Variants in SMG6 observed in about 807,000 individuals in gnomAD.
SMG6 encodes SMG6 nonsense mediated mRNA decay factor, also known as telomerase-binding protein EST1A.
A neutral mutation model predicts 142.2 loss-of-function variants in SMG6; 66 were observed. That is an observed-to-expected ratio of 0.46 (90% CI 0.38 to 0.57). The LOEUF is 0.57. Among genes scored for constraint, SMG6 ranks in the 20% least tolerant of loss-of-function variants. The pLI is 0.00. For synonymous variants in SMG6, 779 were observed against 702.4 expected (o/e 1.11, Z -1.72); for missense variants, 1,793 against 1,832.0 (o/e 0.98, Z 0.39).
chr17:2,117,172 G>A (rs2069534267), intron 13 of SMG6, among the ~76,000 whole-genome samples: 1 of 149,538 alleles, frequency 6.7e-6, no homozygotes, highest in African/African-American at 2.5e-5. Context: ...ATGGCTCACT[G>A]CAGCCTTGAC....
intron 8 of SMG6, among the ~76,000 whole-genome samples, chr17:2,279,847 T>C (rs2074745580): frequency 3.3e-5 from 5 of 152,150 alleles, no homozygotes. Context: ...TTTTCATGCC[T>C]CCAAGTAGAA....
At chr17:2,087,321 G>C in intron 13 of SMG6, 1 of 1,221,066 alleles carries the variant, frequency 8.2e-7, no homozygotes, top group Non-Finnish European at 1.0e-6. Flanking sequence ...AAATAAATGA[G>C]CACCGCTGTG....
chr17:2,162,871 G>A (rs2071224801), intron 13 of SMG6, among the ~76,000 whole-genome samples: 1 of 152,058 alleles, frequency 6.6e-6, no homozygotes, highest in African/African-American at 2.4e-5. Context: ...TCCCTCTGTG[G>A]CCCAGGCTGG....
intron 8 of SMG6, chr17:2,266,263 T>A (rs1244018565): frequency 1.3e-6 from 1 of 755,702 alleles, no homozygotes; most frequent in Admixed American, 6.3e-5. Context: ...TAACACAGAA[T>A]ATACACACGC....
intron 13 of SMG6, among the ~76,000 whole-genome samples, chr17:2,106,823 G>A (rs1205476386): frequency 7.3e-6 from 1 of 137,168 alleles, no homozygotes; most frequent in Non-Finnish European, 1.5e-5. Flanking sequence ...CTCTAGGCAG[G>A]AATTTTTTTT....
At chr17:2,196,286 G>A (rs1348014270) in intron 10 of SMG6, among the ~76,000 whole-genome samples, 1 of 152,170 alleles carries the variant, frequency 6.6e-6, no homozygotes, top group Non-Finnish European at 1.5e-5. Context: ...GCTGGGCGTG[G>A]CGGCGCGTGC....
chr17:2,074,402 G>A (rs1397737627), intron 15 of SMG6, among the ~76,000 whole-genome samples: 1 of 152,180 alleles, frequency 6.6e-6, no homozygotes, highest in Non-Finnish European at 1.5e-5. Flanking sequence ...AGATACTGAG[G>A]GTGCTAGAAA....
rs1214117658 is a variant in SMG6, at chr17:2,261,260, G to A, written c.2662-16541C>T. Reference sequence around the variant, plus strand: ...ACCCGGGAGGCGGAGCTTGCAGTGAGCCAAGATCGCACCACTGCATTCTAG... The same window carrying A: ...ACCCGGGAGGCGGAGCTTGCAGTGAACCAAGATCGCACCACTGCATTCTAG... On this transcript the variant is annotated intron_variant, in intron 8 of 18. Transcript: ENST00000263073. Among the ~76,000 whole-genome samples the A allele has an allele frequency of 1.1e-4, 17 of 151,706 alleles. No homozygotes were observed. The East Asian group carries it at 3.3e-3, about 29-fold the overall frequency.
rs199821480 is a variant in SMG6 at position 2,133,249 on chromosome 17, GA to G, written c.3357+39408del. Among the ~76,000 whole-genome samples the G allele has an allele frequency of 2.3e-3, 350 of 151,736 alleles. 2 individuals are homozygous for G. The highest frequency in any genetic ancestry group is 5.3e-3 in the African/African-American group (221 of 41,398). ...ACAGAACGAGACTCCATCTGGGGGG[GA>G]AAAAAAAGTTTAAAAACGTAAAATT... On this transcript the variant is annotated intron_variant, in intron 13 of 18. Transcript: ENST00000263073.
At chr17:2,091,565 G>A (rs534565489) in intron 13 of SMG6, among the ~76,000 whole-genome samples, 3 of 151,268 alleles carry the variant, frequency 2.0e-5, no homozygotes, top group Admixed American at 2.0e-4. Flanking sequence ...GGAGCATACT[G>A]TCCAAGGGAT....
At position 2,081,729 on chromosome 17, in the gene SMG6, G is replaced by C. The variant is rs369595793; in HGVS notation, c.3681+81C>G. The C allele has an allele frequency of 1.6e-5, 25 of 1,526,478 alleles. 1 individual carries two copies. Among genetic ancestry groups the C allele is most frequent in the East Asian group, 6.8e-5 (3 of 44,400 alleles). The allele number at this position is 1,526,478 out of a possible 1,614,324, so 94.6% of individuals were successfully genotyped here. On this transcript the variant is annotated intron_variant, in intron 15 of 18. Coordinates refer to ENST00000263073, the MANE Select transcript of SMG6 (RefSeq NM_017575.5). ...TGACTCACTCTTAGTGTCCTGCTCA[G>C]CTCTGCTCTCTGCCCACATCCTCTC... is the stretch of plus-strand genomic sequence containing the variant.
Position 2,085,555 on chromosome 17 carries a change from G to T in SMG6, c.3534+170C>A, listed in dbSNP as rs2068537460. On this transcript the variant is annotated intron_variant, in intron 14 of 18. Transcript: ENST00000263073. This position sits in a 1 kb window ranked among gnomAD's most constrained non-coding sequence, Gnocchi z 4.1. ...GGAGTAGGATGGAGGCACCGGGGTG[G>T]ACTGGCAGGAAGGGGCACCATCAGA... 6.6e-6 allele frequency among the ~76,000 whole-genome samples: 1 copy of T among 152,190 alleles called. No individual in the cohort carries two copies. Among genetic ancestry groups the T allele is most frequent in the Admixed American group, 6.5e-5 (1 of 15,288 alleles).
intron 15 of SMG6, among the ~76,000 whole-genome samples, chr17:2,077,101 C>A (rs1186444539): frequency 6.6e-6 from 1 of 152,246 alleles, no homozygotes; most frequent in African/African-American, 2.4e-5. Context: ...CGCTCATTCA[C>A]ACTTCAAATC....
At chr17:2,220,669 T>C (rs2073146220) in intron 10 of SMG6, among the ~76,000 whole-genome samples, 1 of 152,206 alleles carries the variant, frequency 6.6e-6, no homozygotes, top group African/African-American at 2.4e-5. Context: ...CAGTTTATAC[T>C]AGGTTGGTAC....
intron 13 of SMG6, among the ~76,000 whole-genome samples, chr17:2,119,873 G>A (rs1422671834): frequency 1.3e-5 from 2 of 151,830 alleles, no homozygotes; most frequent in African/African-American, 2.4e-5. Flanking sequence ...TGTGTTAGCC[G>A]GCATGGTCTC....
chr17:2,225,348 A>C (rs1215557496), intron 10 of SMG6, among the ~76,000 whole-genome samples: 1 of 151,574 alleles, frequency 6.6e-6, no homozygotes, highest in African/African-American at 2.4e-5. Context: ...AGAAAAAAAA[A>C]AAAAGAAAAA....
At chr17:2,267,037 C>T (rs2074436777) in intron 8 of SMG6, among the ~76,000 whole-genome samples, 1 of 152,216 alleles carries the variant, frequency 6.6e-6, no homozygotes, top group Admixed American at 6.5e-5. Flanking sequence ...CTGCTGTCAT[C>T]ACGTGCTGCC....
intron 10 of SMG6, among the ~76,000 whole-genome samples, chr17:2,211,989 C>T (rs1275948786): frequency 6.6e-6 from 1 of 152,140 alleles, no homozygotes; most frequent in Non-Finnish European, 1.5e-5. Flanking sequence ...TGCTGGAGCT[C>T]CAGAAGTCAG....
chr17:2,074,377 G>C (rs2068199541), intron 15 of SMG6, among the ~76,000 whole-genome samples: 1 of 152,182 alleles, frequency 6.6e-6, no homozygotes, highest in Admixed American at 6.5e-5. Flanking sequence ...TGGGCCAGCA[G>C]AAGCCAACGA....
Sources: allele counts gnomAD v4.1 joint callset (sites outside exome capture counted in the v4.1 genomes callset), GRCh38; gene constraint gnomAD v4.1.1; non-coding constraint Gnocchi (gnomAD v3.1); transcripts MANE v1.5; gene names NCBI Gene and HGNC (gene_info 2026-07-23, HGNC 2026-07-21).